Variants in ZBTB44 observed in about 807,000 individuals in gnomAD.
ZBTB44 encodes the protein zinc finger and BTB domain-containing protein 44.
ZBTB44 carries 15 observed loss-of-function variants against 54.0 expected under a neutral mutation model. That is an observed-to-expected ratio of 0.28 (90% CI 0.19 to 0.43). ZBTB44 has a LOEUF of 0.43. Among genes scored for constraint, ZBTB44 ranks in the 20% least tolerant of loss-of-function variants. The pLI is 1.00. For missense variants in ZBTB44, 487 were observed against 707.1 expected, an observed-to-expected ratio of 0.69 and a Z score of 3.53; for synonymous variants, 230 against 250.1, an observed-to-expected ratio of 0.92 and a Z score of 0.76.
chr11:130,303,901 CAG>C (rs1025267140), intron 1 of ZBTB44, among the ~76,000 whole-genome samples: 3 of 152,002 alleles, frequency 2.0e-5, no homozygotes, highest in African/African-American at 7.2e-5. Context: ...TCTTGCAAGA[CAG>C]AGTTATCAAC....
At position 130,229,064 on chromosome 11, in the gene ZBTB44, A is replaced by G; in HGVS notation, c.*2700T>C. 1 of 152,214 alleles carries G rather than the reference A, an allele frequency of 6.6e-6. No homozygotes were observed. Among genetic ancestry groups the G allele is most frequent in the Non-Finnish European group, 1.5e-5 (1 of 68,042 alleles). The allele number at this position is 152,214 out of a possible 1,614,324, so 9.4% of individuals were successfully genotyped here. A position where few individuals can be genotyped will look rare whatever the true frequency, so the allele number is the denominator to read the frequency against. Reference sequence around the variant, plus strand: ...TAGCTGAAGCCGGCCTGGGTCTTGCACAGTGGGGGTTTACTTAAGTAAAAG... The same window carrying G: ...TAGCTGAAGCCGGCCTGGGTCTTGCGCAGTGGGGGTTTACTTAAGTAAAAG... On this transcript the variant is annotated 3_prime_UTR_variant, in exon 8 of 8. Transcript: ENST00000357899.
intron 1 of ZBTB44, among the ~76,000 whole-genome samples, chr11:130,272,432 C>A (rs1939743556): frequency 6.6e-6 from 1 of 152,324 alleles, no homozygotes; most frequent in Middle Eastern, 3.4e-3. Flanking sequence ...CCATTTGGAG[C>A]TCTGCCCATT....
At chr11:130,307,699 C>T (rs1942356176) in intron 1 of ZBTB44, among the ~76,000 whole-genome samples, 1 of 152,114 alleles carries the variant, frequency 6.6e-6, no homozygotes, top group Non-Finnish European at 1.5e-5. Context: ...CATTCTGTCG[C>T]TCAGGCTGGA....
chr11:130,284,748 C>A (rs1940810803), intron 1 of ZBTB44, among the ~76,000 whole-genome samples: 1 of 152,116 alleles, frequency 6.6e-6, no homozygotes, highest in Non-Finnish European at 1.5e-5. Context: ...TGCCTGTAAT[C>A]CCAGCTACTC....
At position 130,261,859 on chromosome 11, in the gene ZBTB44, T is replaced by C. The variant is rs925546384; in HGVS notation, c.15A>G (p.Thr5=). 1.9e-6 allele frequency: 3 copies of C among 1,607,546 alleles called. No individual in the cohort carries two copies. Among genetic ancestry groups the C allele is most frequent in the African/African-American group, 2.7e-5 (2 of 74,844 alleles). The change falls in exon 2 of 8, where the codon ACA becomes ACG. Residue 5 remains threonine (T), a synonymous_variant. Coordinates refer to ENST00000357899, the MANE Select transcript of ZBTB44 (RefSeq NM_001301098.2). The surrounding 1 kb of genome is among the most constrained non-coding windows in gnomAD (Gnocchi z 4.8). MGVK[T]FTHSSSSHSQ... is the part of the protein sequence containing the mutation. ...TGTGGGAAGAGGAGCTATGAGTAAA[T>C]GTTTTCACACCCATCTTTTACTTCC...
chr11:130,286,338 T>A (rs1940957968), intron 1 of ZBTB44, among the ~76,000 whole-genome samples: 1 of 152,212 alleles, frequency 6.6e-6, no homozygotes, highest in Non-Finnish European at 1.5e-5. Context: ...ACATACTTTT[T>A]GACCTGTAAA....
chr11:130,314,770 G>C lies in ZBTB44; in HGVS notation c.-452C>G, dbSNP rs1466855169. The stretch of plus-strand genomic sequence containing the variant: ...GCGACGGCTCGCGTGTTCCCAGCGG[G>C]GCGGGGTGGGGAAGGGGAAGGGGAC... On this transcript the variant is annotated 5_prime_UTR_variant, in exon 1 of 8. Transcript: ENST00000357899. 6.6e-6 allele frequency: 1 copy of C among 151,134 alleles called. No homozygotes were observed. Among genetic ancestry groups the C allele is most frequent in the Non-Finnish European group, 1.5e-5 (1 of 67,632 alleles). The allele number at this position is 151,134 out of a possible 1,614,324, so 9.4% of individuals were successfully genotyped here.
intron 1 of ZBTB44, among the ~76,000 whole-genome samples, chr11:130,280,980 T>C (rs956471614): frequency 4.6e-5 from 7 of 152,172 alleles, no homozygotes; most frequent in African/African-American, 1.2e-4. Context: ...TCTAGGTTTT[T>C]TGTAATTGCC....
At chr11:130,296,548 C>A in intron 1 of ZBTB44, 1 of 896,282 alleles carries the variant, frequency 1.1e-6, no homozygotes, top group Non-Finnish European at 1.8e-6. Flanking sequence ...TTCACTATGA[C>A]CATCCGGATG....
chr11:130,309,416 C>T (rs1250386348), intron 1 of ZBTB44, among the ~76,000 whole-genome samples: 1 of 152,212 alleles, frequency 6.6e-6, no homozygotes, highest in African/African-American at 2.4e-5. Context: ...TTGTGCTCTG[C>T]TTACTTTAGA....
chr11:130,289,408 G>C (rs942375543), intron 1 of ZBTB44, among the ~76,000 whole-genome samples: 6 of 151,214 alleles, frequency 4.0e-5, no homozygotes, highest in African/African-American at 1.5e-4. Flanking sequence ...GCTTGAACTC[G>C]GAGGTGGAGG....
At chr11:130,276,232 C>CAAAAAAAAAAAAAA (rs757286125) in intron 1 of ZBTB44, among the ~76,000 whole-genome samples, 853 of 31,176 alleles carry the variant, frequency 0.027, 4 homozygotes, top group East Asian at 0.041. Flanking sequence ...AACTCTGTCT[C>CAAAAAAAAAAAAAA]AAAAAAAAAA....
chr11:130,300,993 T>C (rs867028862), intron 1 of ZBTB44, among the ~76,000 whole-genome samples: 2 of 152,148 alleles, frequency 1.3e-5, no homozygotes, highest in Non-Finnish European at 2.9e-5. Flanking sequence ...CTCAGATTTT[T>C]TTTTTATTAA....
intron 2 of ZBTB44, among the ~76,000 whole-genome samples, chr11:130,241,157 T>G (rs1954346757): frequency 6.6e-6 from 1 of 152,238 alleles, no homozygotes; most frequent in African/African-American, 2.4e-5. Context: ...AATGCTGCTG[T>G]GAATATCCTT....
intron 1 of ZBTB44, among the ~76,000 whole-genome samples, chr11:130,303,041 T>C (rs1000011780): frequency 6.6e-6 from 1 of 152,196 alleles, no homozygotes; most frequent in Non-Finnish European, 1.5e-5. Flanking sequence ...CCTGAAAAAC[T>C]TATTCTTTAT....
At chr11:130,273,574 A>G (rs2134211747) in intron 1 of ZBTB44, among the ~76,000 whole-genome samples, 1 of 152,218 alleles carries the variant, frequency 6.6e-6, no homozygotes, top group African/African-American at 2.4e-5. Flanking sequence ...TGGCCTCCCA[A>G]ACTGCTAGAA....
chr11:130,290,495 C>A (rs1476231515), intron 1 of ZBTB44, among the ~76,000 whole-genome samples: 1 of 152,216 alleles, frequency 6.6e-6, no homozygotes, highest in Non-Finnish European at 1.5e-5. Flanking sequence ...AAATCCATCC[C>A]TTCCTTTCTC....
At chr11:130,268,515 GAAGTT>G (rs1565664896) in intron 1 of ZBTB44, among the ~76,000 whole-genome samples, 1 of 152,124 alleles carries the variant, frequency 6.6e-6, no homozygotes, top group Non-Finnish European at 1.5e-5. Flanking sequence ...AGCTACTCAG[GAAGTT>G]AAGGTGGGAA....
intron 1 of ZBTB44, among the ~76,000 whole-genome samples, chr11:130,283,769 C>G (rs1262575031): frequency 6.6e-6 from 1 of 151,322 alleles, no homozygotes; most frequent in Non-Finnish European, 1.5e-5. Context: ...AATTTGAGAT[C>G]CACCTGGCCA....
Sources: allele counts gnomAD v4.1 joint callset (sites outside exome capture counted in the v4.1 genomes callset), GRCh38; gene constraint gnomAD v4.1.1; non-coding constraint Gnocchi (gnomAD v3.1); transcripts MANE v1.5; gene names NCBI Gene and HGNC (gene_info 2026-07-23, HGNC 2026-07-21).